The following ULK4 variants were observed in gnomAD, a reference collection of about 807,000 sequenced individuals.
The protein encoded by ULK4 is unc-51 like kinase 4.
In ULK4, 133 loss-of-function variants were observed where a neutral mutation model predicts 160.6. The observed-to-expected ratio is 0.83, with a 90% confidence interval of 0.72 to 0.96. The LOEUF is 0.96. Among genes scored for constraint, ULK4 ranks in the 40% least tolerant of loss-of-function variants. ULK4 has a pLI of 0.00. For synonymous variants in ULK4, 534 were observed against 539.8 expected (o/e 0.99, Z 0.15); for missense variants, 1,580 against 1,499.5 (o/e 1.05, Z -0.89).
chr3:41,755,787 G>A (rs772074123), intron 21 of ULK4, among the ~76,000 whole-genome samples: 1 of 152,190 alleles, frequency 6.6e-6, no homozygotes, highest in Non-Finnish European at 1.5e-5. Context: ...ACACTATCGG[G>A]AGAACTGGCA....
At chr3:41,552,886 TA>T (rs748462146) in intron 32 of ULK4, among the ~76,000 whole-genome samples, 5 of 152,070 alleles carry the variant, frequency 3.3e-5, no homozygotes, top group Non-Finnish European at 7.4e-5. Flanking sequence ...AACAACATGG[TA>T]TTGGTATAAA....
intron 27 of ULK4, among the ~76,000 whole-genome samples, chr3:41,689,003 A>G (rs2036192037): frequency 6.6e-6 from 1 of 152,068 alleles, no homozygotes; most frequent in South Asian, 2.1e-4. Flanking sequence ...TATTTTTTGT[A>G]CTCTTCCAAC....
At chr3:41,812,391 GTATT>G (rs2040844241) in intron 19 of ULK4, among the ~76,000 whole-genome samples, 1 of 152,158 alleles carries the variant, frequency 6.6e-6, no homozygotes, top group Admixed American at 6.5e-5. Context: ...AAAGAGGGAA[GTATT>G]TAGAGTGAAA....
intron 34 of ULK4, among the ~76,000 whole-genome samples, chr3:41,417,770 T>G (rs1175896355): frequency 6.6e-6 from 1 of 152,076 alleles, no homozygotes; most frequent in Admixed American, 6.5e-5. Flanking sequence ...CTATGGACAG[T>G]CATATGGTCA....
At chr3:41,827,395 A>G (rs2041400189) in intron 18 of ULK4, among the ~76,000 whole-genome samples, 1 of 152,096 alleles carries the variant, frequency 6.6e-6, no homozygotes, top group Non-Finnish European at 1.5e-5. Flanking sequence ...AAAGATCAAC[A>G]AAATTGATAG....
At chr3:41,430,737 A>G (rs1409689960) in intron 34 of ULK4, among the ~76,000 whole-genome samples, 1 of 152,228 alleles carries the variant, frequency 6.6e-6, no homozygotes, top group African/African-American at 2.4e-5. Flanking sequence ...CAGGCATTAA[A>G]CAAAACAAAA....
chr3:41,327,206 C>T (rs1172013789), intron 35 of ULK4, among the ~76,000 whole-genome samples: 1 of 152,156 alleles, frequency 6.6e-6, no homozygotes, highest in East Asian at 1.9e-4. Flanking sequence ...AGAACCTTCT[C>T]CATTTACCCT....
At position 41,717,403 on chromosome 3, in the gene ULK4, G is replaced by A. The variant is rs563317490; in HGVS notation, c.2455+325C>T. 5.0e-4 allele frequency among the ~76,000 whole-genome samples: 76 copies of A among 151,792 alleles called. 1 individual carries two copies. The highest frequency in any genetic ancestry group is 9.2e-4 in the Admixed American group (14 of 15,236). On this transcript the variant is annotated intron_variant, in intron 23 of 36. Transcript: ENST00000301831. ...CTGATTTAGGCAAAAAAAAACTTAC[G>A]AAAAGTTACCCCCAAATACTAGCAT... is the stretch of plus-strand genomic sequence containing the variant.
intron 35 of ULK4, among the ~76,000 whole-genome samples, chr3:41,340,658 G>A (rs557979430): frequency 6.6e-6 from 1 of 152,268 alleles, no homozygotes; most frequent in African/African-American, 2.4e-5. Flanking sequence ...GCCATTTATG[G>A]CCAGGAGCTA....
intron 32 of ULK4, among the ~76,000 whole-genome samples, chr3:41,465,137 T>C (rs150015828): frequency 5.4e-4 from 83 of 152,306 alleles, no homozygotes; most frequent in African/African-American, 1.5e-3. Flanking sequence ...AATATGATTT[T>C]AAGAAGCTGA....
chr3:41,285,679 C>T (rs922341765), intron 35 of ULK4, among the ~76,000 whole-genome samples: 5 of 152,146 alleles, frequency 3.3e-5, no homozygotes, highest in Non-Finnish European at 7.4e-5. Flanking sequence ...TGTCACAAGT[C>T]ACCACAAAAT....
chr3:41,473,564 A>AGGTGGGAGCATCGCTTGG (rs1406875385), intron 32 of ULK4, among the ~76,000 whole-genome samples: 2 of 145,180 alleles, frequency 1.4e-5, no homozygotes, highest in African/African-American at 2.5e-5. Flanking sequence ...CAGGAGGCTG[A>AGGTGGGAGCATCGCTTGG]GGTGGGAGCA....
intron 35 of ULK4, among the ~76,000 whole-genome samples, chr3:41,391,362 G>A (rs963273504): frequency 2.6e-5 from 4 of 152,034 alleles, no homozygotes; most frequent in Non-Finnish European, 4.4e-5. Flanking sequence ...TGGGTACACA[G>A]TGTTTCTCTT....
At chr3:41,785,711 A>G (rs550544512) in intron 21 of ULK4, among the ~76,000 whole-genome samples, 10 of 152,258 alleles carry the variant, frequency 6.6e-5, no homozygotes, top group Admixed American at 5.9e-4. Context: ...CACCTCAAAC[A>G]CACATGTATA....
intron 22 of ULK4, among the ~76,000 whole-genome samples, chr3:41,750,122 G>A (rs2038565070): frequency 6.6e-6 from 1 of 152,182 alleles, no homozygotes; most frequent in Non-Finnish European, 1.5e-5. Context: ...TGTGAGATGT[G>A]AGCAGAGGAT....
chr3:41,298,893 GA>G (rs1450326901), intron 35 of ULK4, among the ~76,000 whole-genome samples: 2 of 152,200 alleles, frequency 1.3e-5, no homozygotes, highest in Non-Finnish European at 2.9e-5. Flanking sequence ...CATTGAAGGT[GA>G]TAAGGAAACT....
intron 32 of ULK4, among the ~76,000 whole-genome samples, chr3:41,557,583 T>C (rs1204469671): frequency 6.8e-6 from 1 of 146,664 alleles, no homozygotes; most frequent in Non-Finnish European, 1.5e-5. Flanking sequence ...CTGGTTAACA[T>C]AGCAAGACCC....
intron 21 of ULK4, among the ~76,000 whole-genome samples, chr3:41,771,609 CTGTG>C (rs200972399): frequency 0.029 from 4,368 of 152,138 alleles, 203 homozygotes; most frequent in African/African-American, 0.1. Context: ...TCAAATCATA[CTGTG>C]TGCGAGTAAA....
intron 35 of ULK4, among the ~76,000 whole-genome samples, chr3:41,372,049 T>C (rs572011519): frequency 2.6e-4 from 40 of 151,374 alleles, no homozygotes; most frequent in African/African-American, 9.2e-4. Context: ...ATATCAGAGA[T>C]TGAAGATCAA....
Sources: gnomAD v4.1 joint callset for allele counts (sites outside exome capture counted in the v4.1 genomes callset) on GRCh38, gnomAD v4.1.1 for gene constraint, MANE v1.5 for transcripts, NCBI Gene and HGNC (gene_info 2026-07-23, HGNC 2026-07-21) for gene names.